Variants in CELF2 observed in about 807,000 individuals in gnomAD.
The protein encoded by CELF2 is CUG triplet repeat RNA-binding protein 2.
In CELF2, 8 loss-of-function variants were observed where a neutral mutation model predicts 62.6. The observed-to-expected ratio is 0.13, with a 90% confidence interval of 0.07 to 0.23. The LOEUF (loss-of-function observed/expected upper bound fraction) is 0.23. Among genes scored for constraint, CELF2 ranks in the 10% least tolerant of loss-of-function variants. The pLI is 1.00. For missense variants in CELF2, 333 were observed against 671.0 expected, an observed-to-expected ratio of 0.50 and a Z score of 5.56; for synonymous variants, 258 against 250.0, an observed-to-expected ratio of 1.03 and a Z score of -0.30.
In CELF2 at chr10:11,309,924, C is replaced by T. The variant is rs2094472239; in HGVS notation, c.977-4215C>T. Among the ~76,000 whole-genome samples the T allele has an allele frequency of 6.6e-6, 1 of 152,198 alleles. No homozygotes were observed. Among genetic ancestry groups the T allele is most frequent in the African/African-American group, 2.4e-5 (1 of 41,438 alleles). ...CCTTTGTTCTTGTGACCTGTCTCTC[C>T]CTGCTCTGGAGGTGGTGCAGGGGCA... On this transcript the variant is annotated intron_variant, in intron 9 of 12. Transcript: ENST00000633077. This position sits in a 1 kb window ranked among gnomAD's most constrained non-coding sequence, Gnocchi z 5.6.
chr10:10,580,563 C>T, the CELF2 span, among the ~76,000 whole-genome samples: 14 of 152,290 alleles, frequency 9.2e-5, no homozygotes, highest in South Asian at 2.9e-3. Context: ...CGGCAAGCTC[C>T]TTCATTTTTC....
chr10:11,074,302 A>T (rs2071166191), intron 1 of CELF2, among the ~76,000 whole-genome samples: 2 of 152,210 alleles, frequency 1.3e-5, no homozygotes, highest in African/African-American at 4.8e-5. Context: ...ATTCGTAAAG[A>T]TTGGGAATGA....
chr10:10,922,629 G>A lies in CELF2; in HGVS notation c.89+2630G>A, dbSNP rs775844431. ...TTTGTAGCTGGTTTATTACTCAAGGGAGAGGCTGCTCTCTTCTTAGGTTTG... is the reference window on the plus strand; with the variant it reads ...TTTGTAGCTGGTTTATTACTCAAGGAAGAGGCTGCTCTCTTCTTAGGTTTG... On this transcript the variant is annotated intron_variant, in intron 2 of 13. Transcript: ENST00000636488. The A allele has an allele frequency of 3.7e-4, 56 of 152,200 alleles. 1 individual carries two copies. The highest frequency in any genetic ancestry group is 8.5e-4 in the Admixed American group (13 of 15,292). 9.4% of individuals were successfully genotyped at this position (152,200 alleles called of 1,614,324 possible). A position where few individuals can be genotyped will look rare whatever the true frequency, so the allele number is the denominator to read the frequency against.
chr10:10,801,198 A>G (rs953248154), intron 1 of CELF2, among the ~76,000 whole-genome samples: 35 of 152,198 alleles, frequency 2.3e-4, no homozygotes, highest in Non-Finnish European at 4.6e-4. Context: ...GGAAAGAGAA[A>G]CATTTTTACA....
chr10:10,774,467 A>G, the CELF2 span, among the ~76,000 whole-genome samples: 1 of 152,170 alleles, frequency 6.6e-6, no homozygotes, highest in African/African-American at 2.4e-5. Flanking sequence ...ATGGTTTAGC[A>G]CCATCGCTTT....
At chr10:10,562,565 C>T in the CELF2 span, among the ~76,000 whole-genome samples, 2 of 152,140 alleles carry the variant, frequency 1.3e-5, no homozygotes, top group East Asian at 1.9e-4. Flanking sequence ...AGCCCGGCTC[C>T]GGAGCGTTCA....
intron 2 of CELF2, among the ~76,000 whole-genome samples, chr10:11,185,861 T>G (rs377040230): frequency 6.6e-6 from 1 of 152,246 alleles, no homozygotes; most frequent in Non-Finnish European, 1.5e-5. Context: ...ATAGAATGAA[T>G]TGGGAAGTGT....
At chr10:10,541,038 T>C in the CELF2 span, among the ~76,000 whole-genome samples, 1 of 150,992 alleles carries the variant, frequency 6.6e-6, no homozygotes, top group African/African-American at 2.4e-5. Flanking sequence ...GGTCAGGAGA[T>C]CGAGACCATC....
At chr10:10,594,162 A>T in the CELF2 span, among the ~76,000 whole-genome samples, 1 of 152,194 alleles carries the variant, frequency 6.6e-6, no homozygotes, top group East Asian at 1.9e-4. Context: ...TGAGTTTAGC[A>T]TTGGCAAAAC....
At chr10:10,756,868 G>A in the CELF2 span, among the ~76,000 whole-genome samples, 3 of 152,128 alleles carry the variant, frequency 2.0e-5, no homozygotes, top group South Asian at 6.2e-4. Context: ...CGGGGACTGG[G>A]CGCAGTGGCT....
chr10:10,470,683 C>T, the CELF2 span, among the ~76,000 whole-genome samples: 1 of 151,390 alleles, frequency 6.6e-6, no homozygotes, highest in Non-Finnish European at 1.5e-5. Flanking sequence ...AAAGGTTCTC[C>T]ACTTTTAAGG....
intron 2 of CELF2, chr10:10,920,042 A>C (rs1026249838): frequency 2.1e-5 from 25 of 1,199,222 alleles, no homozygotes; most frequent in Non-Finnish European, 2.4e-5. Flanking sequence ...GATTTCTTAT[A>C]TCCACAAAGA....
At chr10:10,590,343 C>T in the CELF2 span, among the ~76,000 whole-genome samples, 1 of 152,194 alleles carries the variant, frequency 6.6e-6, no homozygotes, top group Non-Finnish European at 1.5e-5. Flanking sequence ...TTTAACATTT[C>T]ACAGAGGTGC....
the CELF2 span, among the ~76,000 whole-genome samples, chr10:10,637,635 G>A: frequency 5.3e-5 from 8 of 152,274 alleles, no homozygotes; most frequent in South Asian, 2.1e-4. Flanking sequence ...AGGTGACTGC[G>A]CTAAAACCAT....
chr10:10,506,525 C>T, the CELF2 span, among the ~76,000 whole-genome samples: 3 of 152,036 alleles, frequency 2.0e-5, no homozygotes, highest in Non-Finnish European at 4.4e-5. Flanking sequence ...CATTCCCTAC[C>T]CCAATCTGTT....
chr10:10,864,203 A>G (rs1189347361), intron 1 of CELF2, among the ~76,000 whole-genome samples: 2 of 152,044 alleles, frequency 1.3e-5, no homozygotes, highest in Admixed American at 6.6e-5. Flanking sequence ...CCACCAACCA[A>G]CTTTTGACCC....
the CELF2 span, among the ~76,000 whole-genome samples, chr10:10,614,354 T>C: frequency 3.3e-5 from 5 of 152,032 alleles, no homozygotes; most frequent in Non-Finnish European, 7.4e-5. Flanking sequence ...CTCATTTTCC[T>C]CCAAATAAGC....
At chr10:10,843,061 A>G (rs2058785250) in intron 1 of CELF2, among the ~76,000 whole-genome samples, 1 of 151,932 alleles carries the variant, frequency 6.6e-6, no homozygotes, top group Admixed American at 6.6e-5. Flanking sequence ...CATCTAAGTA[A>G]TCCAATTTGT....
At chr10:11,069,936 T>G (rs1234784665) in intron 1 of CELF2, among the ~76,000 whole-genome samples, 1 of 152,220 alleles carries the variant, frequency 6.6e-6, no homozygotes, top group Non-Finnish European at 1.5e-5. Flanking sequence ...ATATTCCAGC[T>G]TCATTCAGGA....
Sources: allele counts gnomAD v4.1 joint callset (sites outside exome capture counted in the v4.1 genomes callset), GRCh38; gene constraint gnomAD v4.1.1; non-coding constraint Gnocchi (gnomAD v3.1); transcripts MANE v1.5; gene names NCBI Gene and HGNC (gene_info 2026-07-23, HGNC 2026-07-21).